The following CD44 variants were observed in gnomAD, a reference collection of about 807,000 sequenced individuals.
CD44 encodes CD44 antigen.
In CD44, 49 loss-of-function variants were observed where a neutral mutation model predicts 88.8. The observed-to-expected ratio is 0.55, with a 90% CI of 0.44 to 0.70. The LOEUF (loss-of-function observed/expected upper bound fraction) is 0.70, where lower values mean the gene tolerates loss of function less well. Among genes scored for constraint, CD44 ranks in the 30% least tolerant of loss-of-function variants. CD44 has a pLI of 0.00. For synonymous variants in CD44, 325 were observed against 312.3 expected (o/e 1.04, Z -0.43); for missense variants, 883 against 913.8 (o/e 0.97, Z 0.43).
In CD44 at chr11:35,205,982, C is replaced by G. The variant is rs151242677; in HGVS notation, c.1283-130C>G. The G allele has an allele frequency of 5.2e-4, 693 of 1,329,146 alleles. 6 individuals carry two copies. In the African/African-American group the frequency reaches 9.4e-3, roughly 18 times the overall value. The allele number at this position is 1,329,146 out of a possible 1,614,324, so 82.3% of individuals were successfully genotyped here. On this transcript the variant is annotated intron_variant, in intron 10 of 17. Transcript: ENST00000428726. ...ATTCTGCGTTTATGCAACTTCCTTG[C>G]CCTCTATACAAGGAAGATGGTTTCA...
intron 10 of CD44, 116 bp downstream of exon 10, chr11:35,204,756 A>G (rs1947666563): frequency 2.1e-6 from 2 of 950,470 alleles, no homozygotes; most frequent in African/African-American, 1.7e-5. Context: ...ATGTTAGGTT[A>G]CTTAATAAAT....
At chr11:35,202,013 A>G (rs1947361512) in intron 9 of CD44, among the ~76,000 whole-genome samples, 1 of 152,244 alleles carries the variant, frequency 6.6e-6, no homozygotes, top group Non-Finnish European at 1.5e-5. Flanking sequence ...TTTAAGAAGT[A>G]GATCTAGATA....
intron 17 of CD44, among the ~76,000 whole-genome samples, chr11:35,224,538 A>T (rs1345948857): frequency 6.6e-6 from 1 of 152,142 alleles, no homozygotes; most frequent in Admixed American, 6.5e-5. Context: ...GGAGTTCAAG[A>T]CCAGCCTGGG....
intron 5 of CD44, among the ~76,000 whole-genome samples, chr11:35,194,678 T>C (rs1352575956): frequency 6.6e-6 from 1 of 152,184 alleles, no homozygotes; most frequent in Admixed American, 6.5e-5. Flanking sequence ...ACTTCATATA[T>C]CAGAAAGGCC....
chr11:35,145,462 C>T (rs963575763), intron 1 of CD44, among the ~76,000 whole-genome samples: 4 of 152,096 alleles, frequency 2.6e-5, no homozygotes, highest in African/African-American at 9.7e-5. Flanking sequence ...TTGGTCTACC[C>T]CAAACAGTGA....
chr11:35,183,188 C>T (rs974627145), intron 3 of CD44, among the ~76,000 whole-genome samples: 1 of 152,008 alleles, frequency 6.6e-6, no homozygotes, highest in Non-Finnish European at 1.5e-5. Flanking sequence ...TTGATGGCTA[C>T]TTTTGTAAGT....
chr11:35,215,261 C>T (rs1031219236), intron 15 of CD44, among the ~76,000 whole-genome samples: 20 of 152,208 alleles, frequency 1.3e-4, no homozygotes, highest in African/African-American at 4.8e-4. Context: ...TTTAACCTTG[C>T]ACTACACCAG....
Position 35,189,886 on chromosome 11 carries a change from C to A in CD44, c.488C>A (p.Thr163Lys), listed in dbSNP as rs61752930. 1.4e-5 allele frequency: 23 copies of A among 1,614,098 alleles called. No individual in the cohort carries two copies. The South Asian group carries it at 2.3e-4, about 16-fold the overall frequency. The change falls in exon 5 of 18, where the codon ACG becomes AAG. Residue 163 changes from threonine (T) to lysine (K), a missense_variant. Thr to Lys is a moderately conservative substitution (Grantham distance 78, BLOSUM62 -1). Transcript: ENST00000428726. Reference sequence around the variant, plus strand: ...TATGTCCAGAAAGGAGAATACAGAACGAATCCTGAAGACATCTACCCCAGC... The same window carrying A: ...TATGTCCAGAAAGGAGAATACAGAAAGAATCCTGAAGACATCTACCCCAGC... ...TRYVQKGEYR[T>K]NPEDIYPSNP...
chr11:35,220,213 T>C (rs563870851), intron 16 of CD44, among the ~76,000 whole-genome samples: 11 of 152,192 alleles, frequency 7.2e-5, no homozygotes, highest in Non-Finnish European at 1.6e-4. Flanking sequence ...AGGGGTGGGC[T>C]GTCCCAAGGG....
rs76393888 is a variant in CD44, at chr11:35,180,435, C to T, written c.367+28C>T. 0.074 allele frequency: 119,832 copies of T among 1,612,972 alleles called. 5,491 individuals are homozygous for T. The highest frequency in any genetic ancestry group is 0.19 in the South Asian group (17,069 of 90,982). ...TGGTTCTCAGGGGGGTGTCTGTTGG[C>T]GTGAAAGGCTGTGGGAGCCTGGTCT... On this transcript the variant is annotated intron_variant, in intron 3 of 17. Transcript: ENST00000428726.
intron 2 of CD44, among the ~76,000 whole-genome samples, chr11:35,180,029 A>AT (rs3215691): frequency 9.2e-5 from 14 of 151,762 alleles, no homozygotes; most frequent in South Asian, 2.1e-4. Context: ...TCCTTTCATG[A>AT]TTTTTTTTTA....
Position 35,170,261 on chromosome 11 carries a change from G to A in CD44, c.68-6314G>A, listed in dbSNP as rs532056732. On this transcript the variant is annotated intron_variant, in intron 1 of 17. Coordinates refer to ENST00000428726, the MANE Select transcript of CD44 (RefSeq NM_000610.4). Reference sequence around the variant, plus strand: ...TCAGGAATTGAACCAGGTTTGAGGAGGTCCTAACTAGGTTGAACTACTGAC... The same window carrying A: ...TCAGGAATTGAACCAGGTTTGAGGAAGTCCTAACTAGGTTGAACTACTGAC... 3.3e-5 allele frequency among the ~76,000 whole-genome samples: 5 copies of A among 152,256 alleles called. No homozygotes were observed. In the South Asian group the frequency reaches 1.0e-3, roughly 32 times the overall value.
chr11:35,178,287 C>A (rs1375599303), intron 2 of CD44, among the ~76,000 whole-genome samples: 4 of 152,220 alleles, frequency 2.6e-5, no homozygotes, highest in Non-Finnish European at 5.9e-5. Flanking sequence ...GGAGTTCTTA[C>A]AACTGCCACT....
chr11:35,190,121 T>C, intron 5 of CD44, 56 bp downstream of exon 5: 1 of 1,439,308 alleles, frequency 6.9e-7, no homozygotes, highest in Non-Finnish European at 9.8e-7. Context: ...AAAATGTCTC[T>C]GACCTTCCTG....
rs1162755079 is a variant in CD44, at chr11:35,181,453, C to T, written c.367+1046C>T. ...ATCAAAATATAAATGTCAAATATCT[C>T]GATGCCAACTATCAAAAGTCTTACC... On this transcript the variant is annotated intron_variant, in intron 3 of 17. Coordinates refer to ENST00000428726, the MANE Select transcript of CD44 (RefSeq NM_000610.4). Among the ~76,000 whole-genome samples the T allele has an allele frequency of 2.6e-5, 4 of 151,548 alleles. No homozygotes were observed. In the East Asian group the frequency reaches 5.8e-4, roughly 22 times the overall value.
intron 8 of CD44, 165 bp from the exon 9 acceptor site, chr11:35,201,506 T>C: frequency 1.4e-6 from 1 of 725,914 alleles, no homozygotes. Context: ...ATTGATTTTC[T>C]CTTGAGACCA....
At chr11:35,197,694 AAC>A in intron 6 of CD44, 1 of 155,060 alleles carries the variant, frequency 6.4e-6, no homozygotes, top group Non-Finnish European at 1.4e-5. Context: ...TGTAGATTCC[AAC>A]ATTTTTCTGA....
chr11:35,140,259 C>A (rs1378247586), intron 1 of CD44, among the ~76,000 whole-genome samples: 3 of 152,172 alleles, frequency 2.0e-5, no homozygotes, highest in Non-Finnish European at 4.4e-5. Context: ...AGGGGAGGGG[C>A]TGCGTGTAAG....
intron 2 of CD44, 66 bp from the exon 3 acceptor site, chr11:35,180,208 A>G (rs560724993): frequency 3.3e-6 from 5 of 1,515,316 alleles, no homozygotes; most frequent in Admixed American, 1.7e-5. Context: ...AATGTCATTG[A>G]ATGGGATATT....
Sources: allele counts gnomAD v4.1 joint callset (sites outside exome capture counted in the v4.1 genomes callset), GRCh38; gene constraint gnomAD v4.1.1; transcripts MANE v1.5; gene names NCBI Gene and HGNC (gene_info 2026-07-23, HGNC 2026-07-21).